Variants in UBE3D observed in about 807,000 individuals in gnomAD.
UBE3D encodes the protein E3 ubiquitin-protein ligase E3D.
A neutral mutation model predicts 49.6 loss-of-function variants in UBE3D; 48 were observed. The ratio of observed to expected loss-of-function variants is 0.97; its 90% CI spans 0.77 to 1.23. UBE3D has a LOEUF of 1.23. Ranked by LOEUF, UBE3D falls within the 50% of genes most tolerant of loss-of-function variation. UBE3D has a pLI of 0.00. For synonymous variants in UBE3D, 189 were observed against 174.2 expected, an observed-to-expected ratio of 1.08 and a Z score of -0.67; for missense variants, 452 against 468.4, an observed-to-expected ratio of 0.96 and a Z score of 0.32.
downstream of UBE3D, among the ~76,000 whole-genome samples, chr6:82,887,581 C>T (rs149425534): frequency 0.018 from 2,756 of 149,528 alleles, 66 homozygotes; most frequent in East Asian, 0.12. Context: ...TGGTGGTGCA[C>T]GCCTACAATC....
At chr6:82,943,879 G>T (rs1055185591) in intron 9 of UBE3D, among the ~76,000 whole-genome samples, 3 of 152,130 alleles carry the variant, frequency 2.0e-5, no homozygotes, top group African/African-American at 7.2e-5. Context: ...ACAGTGGAAA[G>T]CAAAACCAAG....
intron 8 of UBE3D, among the ~76,000 whole-genome samples, chr6:82,960,364 C>T (rs1341307469): frequency 6.6e-6 from 1 of 151,946 alleles, no homozygotes; most frequent in African/African-American, 2.4e-5. Context: ...AGTGCAGTGG[C>T]TCTAAGCTCA....
chr6:83,027,856 T>C (rs1219809873), intron 5 of UBE3D, among the ~76,000 whole-genome samples: 1 of 152,212 alleles, frequency 6.6e-6, no homozygotes, highest in Non-Finnish European at 1.5e-5. Context: ...CTTCAAATAT[T>C]GCCCATGCTC....
chr6:83,034,851 C>T (rs189328382), intron 5 of UBE3D, among the ~76,000 whole-genome samples: 4 of 151,850 alleles, frequency 2.6e-5, no homozygotes, highest in South Asian at 4.2e-4. Flanking sequence ...TCAAACAAAT[C>T]AAATAATTTA....
At chr6:82,933,039 T>C (rs907416078) in intron 9 of UBE3D, among the ~76,000 whole-genome samples, 2 of 152,136 alleles carry the variant, frequency 1.3e-5, no homozygotes, top group African/African-American at 4.8e-5. Flanking sequence ...GCTTCTCTTG[T>C]TGATTCCTGC....
At chr6:82,979,738 C>T (rs1274893254) in intron 8 of UBE3D, among the ~76,000 whole-genome samples, 1 of 152,096 alleles carries the variant, frequency 6.6e-6, no homozygotes, top group Admixed American at 6.6e-5. Flanking sequence ...AGTAATTTCT[C>T]ATTACCCCCC....
chr6:82,955,881 G>T (rs549908496), intron 9 of UBE3D, among the ~76,000 whole-genome samples: 152 of 152,276 alleles, frequency 1.0e-3, no homozygotes, highest in African/African-American at 3.5e-3. Flanking sequence ...CCTACAAAAT[G>T]AGAAGATGTT....
chr6:82,910,814 G>A (rs1297032816), intron 9 of UBE3D, among the ~76,000 whole-genome samples: 1 of 152,160 alleles, frequency 6.6e-6, no homozygotes, highest in Non-Finnish European at 1.5e-5. Context: ...TAGGCAGGTG[G>A]TGACACTGAC....
At chr6:82,899,493 T>C (rs1301375716) in intron 9 of UBE3D, among the ~76,000 whole-genome samples, 4 of 152,214 alleles carry the variant, frequency 2.6e-5, no homozygotes, top group Admixed American at 2.6e-4. Flanking sequence ...AAAAGCTTGT[T>C]GATTTAAAAA....
Position 83,031,882 on chromosome 6 carries a change from A to G in UBE3D, c.667+6534T>C, listed in dbSNP as rs112964256. ...CGGCTTCAGAGGGTACAAGCCTCAA[A>G]CCTTGGCAAATTCCATGTGGTGACA... On this transcript the variant is annotated intron_variant, in intron 5 of 9. Transcript: ENST00000369747. Among the ~76,000 whole-genome samples the G allele has an allele frequency of 9.7e-3, 1,472 of 152,344 alleles. 22 individuals carry two copies. Among genetic ancestry groups the G allele is most frequent in the African/African-American group, 0.034 (1,395 of 41,594 alleles).
chr6:82,951,864 C>T (rs1582446818), intron 9 of UBE3D, among the ~76,000 whole-genome samples: 1 of 152,182 alleles, frequency 6.6e-6, no homozygotes, highest in African/African-American at 2.4e-5. Flanking sequence ...GACAATCAGC[C>T]TCTAAAACTG....
downstream of UBE3D, among the ~76,000 whole-genome samples, chr6:82,890,277 C>T (rs1237785386): frequency 6.6e-6 from 1 of 152,166 alleles, no homozygotes; most frequent in Non-Finnish European, 1.5e-5. Flanking sequence ...CACTCACCCA[C>T]AGCAACAAAA....
intron 9 of UBE3D, among the ~76,000 whole-genome samples, chr6:82,948,864 C>T (rs1381787106): frequency 1.4e-5 from 2 of 148,014 alleles, no homozygotes; most frequent in Non-Finnish European, 3.0e-5. Context: ...ATAGAAGGAA[C>T]ATACCTCAAC....
intron 8 of UBE3D, among the ~76,000 whole-genome samples, chr6:83,011,743 G>A (rs936590553): frequency 2.0e-5 from 3 of 152,124 alleles, no homozygotes; most frequent in Non-Finnish European, 4.4e-5. Flanking sequence ...CCTCGTGGCA[G>A]CGTTGCTCCC....
intron 8 of UBE3D, among the ~76,000 whole-genome samples, chr6:82,986,242 G>A (rs1778483440): frequency 6.6e-6 from 1 of 151,936 alleles, no homozygotes; most frequent in Admixed American, 6.6e-5. Context: ...GGAGGCCGTG[G>A]CGGGCAGATT....
At chr6:82,956,037 T>C (rs1170476314) in intron 9 of UBE3D, among the ~76,000 whole-genome samples, 1 of 152,148 alleles carries the variant, frequency 6.6e-6, no homozygotes, top group Non-Finnish European at 1.5e-5. Flanking sequence ...ATGTAACAGA[T>C]TTCCAAGAGG....
At chr6:83,010,204 G>A (rs536947200) in intron 8 of UBE3D, among the ~76,000 whole-genome samples, 32 of 152,040 alleles carry the variant, frequency 2.1e-4, no homozygotes, top group African/African-American at 6.8e-4. Flanking sequence ...GGTTAATCAC[G>A]AATAATCATT....
chr6:83,004,788 T>C (rs890098803), intron 8 of UBE3D, among the ~76,000 whole-genome samples: 6 of 152,198 alleles, frequency 3.9e-5, no homozygotes. Context: ...TAACCTTTGT[T>C]TCTTTTGTTT....
intron 9 of UBE3D, among the ~76,000 whole-genome samples, chr6:82,939,966 G>A (rs1774886658): frequency 6.6e-6 from 1 of 152,194 alleles, no homozygotes; most frequent in African/African-American, 2.4e-5. Context: ...AAGTGCTACA[G>A]AAAGCACAGA....
Sources: allele counts gnomAD v4.1 joint callset (sites outside exome capture counted in the v4.1 genomes callset), GRCh38; gene constraint gnomAD v4.1.1; transcripts MANE v1.5; gene names NCBI Gene and HGNC (gene_info 2026-07-23, HGNC 2026-07-21).